The following TAX1BP1 variants were observed in gnomAD, a reference collection of about 807,000 sequenced individuals.
TAX1BP1 encodes Tax1 binding protein 1, also known as tax1-binding protein 1.
TAX1BP1 carries 62 observed loss-of-function variants against 97.7 expected under a neutral mutation model. The ratio of observed to expected loss-of-function variants is 0.63; its 90% CI spans 0.52 to 0.78. The LOEUF (loss-of-function observed/expected upper bound fraction) is 0.78, where lower values mean the gene tolerates loss of function less well. Among genes scored for constraint, TAX1BP1 ranks in the 30% least tolerant of loss-of-function variants. TAX1BP1 has a pLI of 0.00. For synonymous variants in TAX1BP1, 340 were observed against 304.2 expected (o/e 1.12, Z -1.23); for missense variants, 867 against 916.1 (o/e 0.95, Z 0.69).
intron 3 of TAX1BP1, among the ~76,000 whole-genome samples, chr7:27,761,592 CT>C (rs1562704226): frequency 6.6e-6 from 1 of 152,166 alleles, no homozygotes; most frequent in Non-Finnish European, 1.5e-5. Flanking sequence ...GATATGTAGT[CT>C]TTTCAGATTG....
intron 5 of TAX1BP1, among the ~76,000 whole-genome samples, chr7:27,783,020 T>C (rs570826438): frequency 3.9e-5 from 6 of 152,142 alleles, no homozygotes; most frequent in Non-Finnish European, 8.8e-5. Flanking sequence ...CTTGTGGGAA[T>C]TGGTAATAGT....
intron 15 of TAX1BP1, among the ~76,000 whole-genome samples, chr7:27,826,352 G>A (rs1791178609): frequency 6.6e-6 from 1 of 152,136 alleles, no homozygotes; most frequent in Non-Finnish European, 1.5e-5. Flanking sequence ...TTCAAGAGGG[G>A]AAAATTGTCA....
At position 27,788,448 on chromosome 7, in the gene TAX1BP1, T is replaced by C. The variant is rs192965128; in HGVS notation, c.1038+845T>C. On this transcript the variant is annotated intron_variant, in intron 8 of 16. Transcript: ENST00000396319. ...CAATGTTTTTATTGTCCTTTGATGCTCCTCACCTGCATCAGCTATTATGTT... is the reference window on the plus strand; with the variant it reads ...CAATGTTTTTATTGTCCTTTGATGCCCCTCACCTGCATCAGCTATTATGTT... 2.5e-3 allele frequency among the ~76,000 whole-genome samples: 374 copies of C among 152,172 alleles called. 2 individuals carry two copies. The highest frequency in any genetic ancestry group is 8.6e-3 in the African/African-American group (357 of 41,576).
At chr7:27,821,634 C>CA (rs372220008) in intron 15 of TAX1BP1, among the ~76,000 whole-genome samples, 65,671 of 125,078 alleles carry the variant, frequency 0.53, 15,353 homozygotes, top group Non-Finnish European at 0.54. Flanking sequence ...GACTCGGTCT[C>CA]AAAAAAAAAA....
At chr7:27,809,479 C>T (rs1790469848) in intron 13 of TAX1BP1, among the ~76,000 whole-genome samples, 1 of 152,154 alleles carries the variant, frequency 6.6e-6, no homozygotes, top group African/African-American at 2.4e-5. Flanking sequence ...AACATGGACC[C>T]CTTGAGGGGC....
At chr7:27,740,988 CTTA>C (rs1362586174) in intron 1 of TAX1BP1, among the ~76,000 whole-genome samples, 1 of 152,168 alleles carries the variant, frequency 6.6e-6, no homozygotes, top group Non-Finnish European at 1.5e-5. Context: ...GCGCGTACAC[CTTA>C]TTAGTAAAAA....
chr7:27,803,170 C>T (rs1401227110), intron 13 of TAX1BP1: 1 of 1,546,282 alleles, frequency 6.5e-7, no homozygotes, highest in South Asian at 1.2e-5. Context: ...GAAAACCTCT[C>T]CAGGGAGAAG....
intron 15 of TAX1BP1, among the ~76,000 whole-genome samples, chr7:27,824,437 C>A (rs746105500): frequency 3.1e-4 from 47 of 150,578 alleles, no homozygotes; most frequent in Non-Finnish European, 6.2e-4. Flanking sequence ...GCCGGTAGTC[C>A]TAGCTACCTG....
At chr7:27,763,921 T>C (rs891618199) in intron 3 of TAX1BP1, among the ~76,000 whole-genome samples, 1 of 152,230 alleles carries the variant, frequency 6.6e-6, no homozygotes. Flanking sequence ...AATTAGTAAG[T>C]TTTTAGTAGC....
At chr7:27,789,472 G>GT (rs1283406675) in intron 8 of TAX1BP1, among the ~76,000 whole-genome samples, 2 of 151,298 alleles carry the variant, frequency 1.3e-5, no homozygotes, top group African/African-American at 2.4e-5. Flanking sequence ...TTATTCTTAT[G>GT]TTTCTTTTTG....
chr7:27,816,992 G>A lies in TAX1BP1; in HGVS notation c.2039G>A (p.Arg680Gln). ...AATGTTGTCTGCAGCCAGCCTGCTC[G>A]AAACTTTAGTCGGCCTGATGGCTTA... is the stretch of plus-strand genomic sequence containing the variant. Reference protein sequence around the residue: ...EDNVVCSQPARNFSRPDGLED... With the variant: ...EDNVVCSQPAQNFSRPDGLED... The change falls in exon 15 of 17, where the codon CGA (arginine) becomes CAA (glutamine). Residue 680 changes from arginine (R) to glutamine (Q), a missense_variant. By Grantham distance (43) the Arg-to-Gln change is conservative (BLOSUM62 1). This residue lies in a region of TAX1BP1 where 822 missense variants were observed against 851.4 expected (regional missense o/e 0.97). Transcript: ENST00000396319. 1.2e-6 allele frequency: 2 copies of A among 1,613,906 alleles called. No homozygotes were observed. The highest frequency in any genetic ancestry group is 2.2e-5 in the East Asian group (1 of 44,894).
In TAX1BP1 at chr7:27,793,081, C is replaced by A. The variant is rs768038533; in HGVS notation, c.1279C>A (p.Leu427Met). The A allele has an allele frequency of 3.7e-6, 6 of 1,600,308 alleles. No individual in the cohort carries two copies. The highest frequency in any genetic ancestry group is 4.2e-6 in the Non-Finnish European group (5 of 1,176,918). The change falls in exon 10 of 17, where the codon CTG (leucine) becomes ATG (methionine). Residue 427 changes from leucine (L) to methionine (M), a missense_variant. This residue lies in a region of TAX1BP1 where 822 missense variants were observed against 851.4 expected (regional missense o/e 0.97). Transcript: ENST00000396319. ...TTCTTTCTAGGACAAGACTGATACA[C>A]TGGAACACGAACTAAGAAGAGAAGT... ...MKKDQDKTDT[L>M]EHELRREVED...
At chr7:27,821,047 G>C (rs996214290) in intron 15 of TAX1BP1, among the ~76,000 whole-genome samples, 1 of 152,112 alleles carries the variant, frequency 6.6e-6, no homozygotes, top group Non-Finnish European at 1.5e-5. Flanking sequence ...GGAGCATTTT[G>C]CTCTTCAGAT....
intron 15 of TAX1BP1, among the ~76,000 whole-genome samples, chr7:27,817,381 G>A (rs1404477511): frequency 6.6e-6 from 1 of 152,188 alleles, no homozygotes; most frequent in Non-Finnish European, 1.5e-5. Flanking sequence ...GATTATAGAT[G>A]TTAGGCTTGA....
At chr7:27,773,840 A>C (rs1314366266) in intron 5 of TAX1BP1, among the ~76,000 whole-genome samples, 2 of 152,064 alleles carry the variant, frequency 1.3e-5, no homozygotes, top group African/African-American at 2.4e-5. Context: ...TTGTTTTTCA[A>C]ATAGGAGTAA....
chr7:27,761,769 A>G lies in TAX1BP1; in HGVS notation c.265+3636A>G, dbSNP rs548067537. Among the ~76,000 whole-genome samples the G allele has an allele frequency of 3.2e-4, 48 of 152,338 alleles. No homozygotes were observed. In the South Asian group the frequency reaches 9.9e-3, roughly 32 times the overall value. On this transcript the variant is annotated intron_variant, in intron 3 of 16. Transcript: ENST00000396319. ...TGCTTCCACGTTTTGGCACTTACAA[A>G]TAATGCTGCAATAAACACTCTTGTG... is the stretch of plus-strand genomic sequence containing the variant.
chr7:27,755,393 A>C (rs551842509), intron 2 of TAX1BP1, among the ~76,000 whole-genome samples: 6 of 151,644 alleles, frequency 4.0e-5, no homozygotes, highest in Non-Finnish European at 8.8e-5. Context: ...CCTCTTCTCT[A>C]TTTCTTTCTT....
intron 4 of TAX1BP1, 21 bp from the exon 5 acceptor site, chr7:27,769,655 T>C (rs1788770690): frequency 6.4e-7 from 1 of 1,568,446 alleles, no homozygotes; most frequent in Admixed American, 1.9e-5. Context: ...AACTAATTAA[T>C]CTGAGTTTTT....
rs188632346 is a variant in TAX1BP1 at position 27,812,723 on chromosome 7, G to A, written c.1765-3626G>A. On this transcript the variant is annotated intron_variant, in intron 13 of 16. Coordinates refer to ENST00000396319, the MANE Select transcript of TAX1BP1 (RefSeq NM_006024.7). ...CAGTTTTTAAAGATCATGTTGAAAA[G>A]ACCATCCTTTTCCTCCATAGAATTT... 4.7e-3 allele frequency among the ~76,000 whole-genome samples: 712 copies of A among 152,178 alleles called. 20 individuals carry two copies. The highest frequency in any genetic ancestry group is 7.1e-4 in the Non-Finnish European group (48 of 68,006).
Sources: gnomAD v4.1 joint callset for allele counts (sites outside exome capture counted in the v4.1 genomes callset) on GRCh38, gnomAD v4.1.1 for gene constraint, gnomAD v4.1.1 regional missense constraint, MANE v1.5 for transcripts, NCBI Gene and HGNC (gene_info 2026-07-23, HGNC 2026-07-21) for gene names.